The following MAGI2 variants were observed in gnomAD, a reference collection of about 807,000 sequenced individuals.
The protein encoded by MAGI2 is membrane associated guanylate kinase, WW and PDZ domain containing 2, also known as membrane-associated guanylate kinase, WW and PDZ domain-containing protein 2.
A neutral mutation model predicts 133.3 loss-of-function variants in MAGI2; 35 were observed. The observed-to-expected ratio is 0.26, with a 90% CI of 0.20 to 0.35. The LOEUF (loss-of-function observed/expected upper bound fraction) is 0.35. Ranked by LOEUF, MAGI2 falls within the 10% of genes least tolerant of loss-of-function variation. The pLI is 1.00. For missense variants in MAGI2, 1,636 were observed against 1,863.4 expected, an observed-to-expected ratio of 0.88 and a Z score of 2.25; for synonymous variants, 729 against 710.6, an observed-to-expected ratio of 1.03 and a Z score of -0.41.
chr7:78,434,564 G>T (rs1800101910), intron 6 of MAGI2, among the ~76,000 whole-genome samples: 1 of 152,042 alleles, frequency 6.6e-6, no homozygotes, highest in South Asian at 2.1e-4. Flanking sequence ...TATGGAAAGG[G>T]AATAAAAGGG....
intron 3 of MAGI2, among the ~76,000 whole-genome samples, chr7:78,545,212 C>CTTTTTTTTTTTTTTTTTTTTTTT (rs71085537): frequency 2.4e-5 from 2 of 83,130 alleles, no homozygotes; most frequent in Non-Finnish European, 2.2e-5. Context: ...TAACCTGATT[C>CTTTTTTTTTTTTTTTTTTTTTTT]TTTTTTTTTT....
intron 1 of MAGI2, among the ~76,000 whole-genome samples, chr7:79,340,564 G>T (rs1840813032): frequency 6.6e-6 from 1 of 152,022 alleles, no homozygotes. Flanking sequence ...CTCATCTATT[G>T]ACAAATTTGT....
chr7:79,115,302 C>G (rs1819295169), intron 1 of MAGI2, among the ~76,000 whole-genome samples: 1 of 152,084 alleles, frequency 6.6e-6, no homozygotes, highest in South Asian at 2.1e-4. Flanking sequence ...AAGATAAACT[C>G]TAAAGTCATA....
At chr7:78,667,346 T>C (rs1199266191) in intron 2 of MAGI2, among the ~76,000 whole-genome samples, 6 of 146,884 alleles carry the variant, frequency 4.1e-5, no homozygotes, top group Middle Eastern at 7.0e-3. Flanking sequence ...TTGTAACCAA[T>C]TGGGTTTTTT....
intron 1 of MAGI2, among the ~76,000 whole-genome samples, chr7:79,246,408 C>G (rs1164960992): frequency 6.6e-6 from 1 of 151,856 alleles, no homozygotes; most frequent in Non-Finnish European, 1.5e-5. Flanking sequence ...CAAGATAACA[C>G]AAAGAAGGAA....
intron 1 of MAGI2, among the ~76,000 whole-genome samples, chr7:79,110,714 G>T (rs1295954739): frequency 6.6e-6 from 1 of 152,090 alleles, no homozygotes; most frequent in Non-Finnish European, 1.5e-5. Flanking sequence ...AGAAGGATTT[G>T]GGATTTGGGG....
chr7:79,442,836 C>T (rs1848580328), intron 1 of MAGI2, among the ~76,000 whole-genome samples: 2 of 151,980 alleles, frequency 1.3e-5, no homozygotes, highest in Non-Finnish European at 2.9e-5. Flanking sequence ...AGAAATTAGC[C>T]AAGACTTTTG....
At chr7:79,179,208 T>C (rs1334707974) in intron 1 of MAGI2, among the ~76,000 whole-genome samples, 1 of 152,040 alleles carries the variant, frequency 6.6e-6, no homozygotes, top group Non-Finnish European at 1.5e-5. Flanking sequence ...TGAAAACACC[T>C]ATTTTTTCCT....
At chr7:78,494,247 G>A (rs1400697707) in intron 5 of MAGI2, among the ~76,000 whole-genome samples, 5 of 152,022 alleles carry the variant, frequency 3.3e-5, no homozygotes, top group Non-Finnish European at 5.9e-5. Context: ...ATGAACCACC[G>A]TGCCTGGCCC....
At chr7:79,041,296 C>A (rs1710002937) in intron 1 of MAGI2, among the ~76,000 whole-genome samples, 2 of 152,090 alleles carry the variant, frequency 1.3e-5, no homozygotes, top group African/African-American at 4.8e-5. Context: ...ATTTTGGAAT[C>A]TTTTCTGAAA....
At chr7:78,177,437 CACACACACAG>C (rs1367760854) in intron 14 of MAGI2, among the ~76,000 whole-genome samples, 4 of 149,832 alleles carry the variant, frequency 2.7e-5, no homozygotes, top group African/African-American at 1.0e-4. Context: ...CACACACACA[CACACACACAG>C]ACACACACAC....
At chr7:78,688,070 A>G (rs1816564108) in intron 2 of MAGI2, among the ~76,000 whole-genome samples, 2 of 152,036 alleles carry the variant, frequency 1.3e-5, no homozygotes, top group Non-Finnish European at 2.9e-5. Flanking sequence ...TGGGACTGAC[A>G]AAAATAATGT....
intron 1 of MAGI2, among the ~76,000 whole-genome samples, chr7:79,032,254 C>A (rs28621420): frequency 6.6e-6 from 1 of 152,014 alleles, no homozygotes; most frequent in Non-Finnish European, 1.5e-5. Context: ...CGGTGGTTCA[C>A]GCCTGTAATC....
chr7:79,063,196 C>A (rs972548079), intron 1 of MAGI2, among the ~76,000 whole-genome samples: 1 of 152,208 alleles, frequency 6.6e-6, no homozygotes, highest in Non-Finnish European at 1.5e-5. Context: ...TCATTGCAAT[C>A]TGCTCTTCCA....
intron 9 of MAGI2, among the ~76,000 whole-genome samples, chr7:78,284,102 G>GA (rs1332990203): frequency 1.3e-5 from 2 of 151,954 alleles, no homozygotes; most frequent in Non-Finnish European, 2.9e-5. Context: ...GCACAAACAA[G>GA]AAAAAATTTA....
At position 78,216,790 on chromosome 7, in the gene MAGI2, T is replaced by G. The variant is rs554143942; in HGVS notation, c.2048-15597A>C. Among the ~76,000 whole-genome samples the G allele has an allele frequency of 7.2e-5, 11 of 152,324 alleles. No homozygotes were observed. In the East Asian group the frequency reaches 1.9e-3, roughly 27 times the overall value. ...CCATTTCCATGGTTGAGACCACTAATTCGTAAAGGTATTTCCCCTCTTTGG... is the reference window on the plus strand; with the variant it reads ...CCATTTCCATGGTTGAGACCACTAAGTCGTAAAGGTATTTCCCCTCTTTGG... On this transcript the variant is annotated intron_variant, in intron 10 of 21. Coordinates refer to ENST00000354212, the MANE Select transcript of MAGI2 (RefSeq NM_012301.4).
chr7:79,309,260 A>G (rs1838059603), intron 1 of MAGI2, among the ~76,000 whole-genome samples: 1 of 152,036 alleles, frequency 6.6e-6, no homozygotes, highest in Admixed American at 6.6e-5. Context: ...GGATGGAAGA[A>G]GAATAAAAGG....
chr7:78,139,647 C>T (rs1252403090), intron 16 of MAGI2, among the ~76,000 whole-genome samples: 3 of 152,160 alleles, frequency 2.0e-5, no homozygotes, highest in Non-Finnish European at 4.4e-5. Context: ...CAACATAAAT[C>T]AAGTCTTTGG....
chr7:78,865,781 T>C (rs770960362), intron 2 of MAGI2, among the ~76,000 whole-genome samples: 6 of 152,198 alleles, frequency 3.9e-5, no homozygotes, highest in African/African-American at 7.2e-5. Flanking sequence ...AAATTCTTCA[T>C]ATTACAGAAG....
Sources: gnomAD v4.1 joint callset for allele counts (sites outside exome capture counted in the v4.1 genomes callset) on GRCh38, gnomAD v4.1.1 for gene constraint, MANE v1.5 for transcripts, NCBI Gene and HGNC (gene_info 2026-07-23, HGNC 2026-07-21) for gene names.